RO60: variants seen among roughly 807,000 people sequenced by gnomAD.
The protein encoded by RO60 is RNA-binding protein RO60.
RO60 carries 20 observed loss-of-function variants against 55.3 expected under a neutral mutation model. The observed-to-expected ratio is 0.36, with a 90% confidence interval of 0.25 to 0.53. The LOEUF (loss-of-function observed/expected upper bound fraction) is 0.53. Among genes scored for constraint, RO60 ranks in the 20% least tolerant of loss-of-function variants. The pLI is 0.92. For synonymous variants in RO60, 213 were observed against 213.6 expected (o/e 1.00, Z 0.02); for missense variants, 558 against 646.6 (o/e 0.86, Z 1.49).
In RO60 at chr1:193,074,418, T is replaced by G. The variant is rs189398049; in HGVS notation, c.581-1402T>G. 9.6e-4 allele frequency among the ~76,000 whole-genome samples: 147 copies of G among 152,366 alleles called. 1 individual carries two copies. Among genetic ancestry groups the G allele is most frequent in the Admixed American group, 3.7e-3 (56 of 15,310 alleles). On this transcript the variant is annotated intron_variant, in intron 2 of 8. Transcript: ENST00000400968. ...CACCTGTTGTTTCCTGACTTTTTAATGATCGTCATTCTAACTGATGTGAGA... is the reference window on the plus strand; with the variant it reads ...CACCTGTTGTTTCCTGACTTTTTAAGGATCGTCATTCTAACTGATGTGAGA...
intron 2 of RO60, among the ~76,000 whole-genome samples, chr1:193,071,200 C>T (rs1312521885): frequency 6.6e-6 from 1 of 152,172 alleles, no homozygotes; most frequent in East Asian, 1.9e-4. Flanking sequence ...GGAAGTGGAG[C>T]TCACTTGCCT....
At chr1:193,091,740 A>ATTGAT, downstream of RO60, 1 of 1,447,270 alleles carries the variant, frequency 6.9e-7, no homozygotes, top group Non-Finnish European at 9.6e-7. Context: ...TATTGTAGAA[A>ATTGAT]TTGATAGATG....
chr1:193,069,107 A>G lies in RO60; in HGVS notation c.53A>G (p.Asn18Ser), dbSNP rs750498803. 36 of 1,613,970 alleles carry G rather than the reference A, an allele frequency of 2.2e-5. No homozygotes were observed. The highest frequency in any genetic ancestry group is 1.6e-4 in the Middle Eastern group (1 of 6,084). ...CCACTGAATGAGAAGCAGATAGCCA[A>G]TTCTCAGGATGGATATGTATGGCAA... ...MQPLNEKQIA[N>S]SQDGYVWQVT... The change falls in exon 2 of 9, where the codon AAT becomes AGT. Residue 18 changes from asparagine (N) to serine (S), a missense_variant. Physicochemically the swap from Asn to Ser is conservative, Grantham distance 46. Coordinates refer to ENST00000400968, the MANE Select transcript of RO60 (RefSeq NM_001173524.2).
intron 5 of RO60, among the ~76,000 whole-genome samples, chr1:193,078,054 T>C (rs1674052649): frequency 6.6e-6 from 1 of 152,200 alleles, no homozygotes; most frequent in South Asian, 2.1e-4. Flanking sequence ...GATTACATAC[T>C]ATAACCAAGT....
chr1:193,084,866 GAAAA>G lies in RO60; in HGVS notation c.*144_*147del. ...GTGCATAATGGAAAGTTACCTTACT[GAAAA>G]AAAAAAAAGAAGGAAAAATAAGATG... On this transcript the variant is annotated 3_prime_UTR_variant, in exon 9 of 9. Transcript: ENST00000400968. 3 of 1,113,348 alleles carry G rather than the reference GAAAA, an allele frequency of 2.7e-6. No homozygotes were observed. The highest frequency in any genetic ancestry group is 2.4e-6 in the Non-Finnish European group (2 of 834,928). The allele number at this position is 1,113,348 out of a possible 1,614,324, so 69.0% of individuals were successfully genotyped here.
chr1:193,076,866 C>T, intron 4 of RO60, 47 bp from the exon 5 acceptor site: 2 of 1,573,796 alleles, frequency 1.3e-6, no homozygotes, highest in South Asian at 2.3e-5. Context: ...AAGGAGTATA[C>T]ATAATCACTG....
chr1:193,077,112 A>G (rs1310994599), intron 5 of RO60, 62 bp downstream of exon 5: 5 of 1,467,896 alleles, frequency 3.4e-6, no homozygotes, highest in East Asian at 2.5e-5. Context: ...TTGTAATAAT[A>G]CATTTTAAAG....
intron 1 of RO60, among the ~76,000 whole-genome samples, chr1:193,065,009 A>G (rs1035176734): frequency 3.3e-5 from 5 of 152,086 alleles, no homozygotes; most frequent in Non-Finnish European, 7.4e-5. Flanking sequence ...TCTTGATTAT[A>G]TTTTTCACTA....
intron 8 of RO60, among the ~76,000 whole-genome samples, chr1:193,083,528 GA>G (rs1452379867): frequency 6.6e-6 from 1 of 152,202 alleles, no homozygotes; most frequent in African/African-American, 2.4e-5. Context: ...ACTAGAAGTA[GA>G]AATAGAACTT....
chr1:193,078,565 A>T (rs1674082544), intron 5 of RO60, among the ~76,000 whole-genome samples: 1 of 152,236 alleles, frequency 6.6e-6, no homozygotes, highest in Admixed American at 6.5e-5. Context: ...CATAAAAATC[A>T]GTTGTATTTC....
In RO60 at chr1:193,082,169, G is replaced by A. The variant is rs1674355881; in HGVS notation, c.1204-17G>A. ...CCCCCCAAATTTGCTGAAAATTACT[G>A]CCATTGAATTTTTCAGGTTGTCACA... is the stretch of plus-strand genomic sequence containing the variant. On this transcript the variant is annotated splice_polypyrimidine_tract_variant and intron_variant, in intron 6 of 8. Transcript: ENST00000400968. 2 of 1,530,046 alleles carry A rather than the reference G, an allele frequency of 1.3e-6. No homozygotes were observed. The highest frequency in any genetic ancestry group is 2.3e-5 in the East Asian group (1 of 44,360). The allele number at this position is 1,530,046 out of a possible 1,614,324, so 94.8% of individuals were successfully genotyped here.
intron 5 of RO60, among the ~76,000 whole-genome samples, chr1:193,077,760 A>T (rs1014088720): frequency 1.3e-5 from 2 of 152,184 alleles, no homozygotes; most frequent in Non-Finnish European, 2.9e-5. Context: ...CCCATGATCC[A>T]GTCACCTCCC....
Position 193,085,985 on chromosome 1 carries a change from A to C in RO60, c.*1254A>C. On this transcript the variant is annotated 3_prime_UTR_variant, in exon 9 of 9. Transcript: ENST00000400968. ...CATTAAAGCAATCTGTTGAAATGCC[A>C]TTATCTTTGCTCATAATTTTATTAT... 2 of 985,322 alleles carry C rather than the reference A, an allele frequency of 2.0e-6. No individual in the cohort carries two copies. Among genetic ancestry groups the C allele is most frequent in the Non-Finnish European group, 2.4e-6 (2 of 829,846 alleles). 61.0% of individuals were successfully genotyped at this position (985,322 alleles called of 1,614,324 possible).
At chr1:193,076,099 A>G (rs1673898515) in intron 3 of RO60, 59 bp downstream of exon 3, 1 of 1,167,436 alleles carries the variant, frequency 8.6e-7, no homozygotes, top group African/African-American at 1.6e-5. Context: ...TGTAGGTGCT[A>G]AAAGGATAAA....
At chr1:193,070,673 T>C (rs1673429121) in intron 2 of RO60, 7 of 391,670 alleles carry the variant, frequency 1.8e-5, no homozygotes, top group South Asian at 1.3e-4. Context: ...GTAAGGAGAA[T>C]AAGCTTACAA....
rs1674655273 is a variant in RO60 at position 193,087,137 on chromosome 1, A to T, written c.*2406A>T. 1 of 152,128 alleles carries T rather than the reference A, an allele frequency of 6.6e-6. No homozygotes were observed. The highest frequency in any genetic ancestry group is 1.5e-5 in the Non-Finnish European group (1 of 67,994). The allele number at this position is 152,128 out of a possible 1,614,324, so 9.4% of individuals were successfully genotyped here. ...ATTGCTTTAGGAGTAGAAAAATAGA[A>T]TGGGAACATGTATAATCTTGTAATT... On this transcript the variant is annotated 3_prime_UTR_variant, in exon 9 of 9. Transcript: ENST00000400968.
At chr1:193,076,780 G>C in intron 4 of RO60, 133 bp downstream of exon 4, 2 of 1,327,192 alleles carry the variant, frequency 1.5e-6, no homozygotes, top group South Asian at 1.5e-5. Context: ...TGGCTCTTAA[G>C]TGTAAGTTTA....
chr1:193,088,930 C>CTA lies in RO60; in HGVS notation c.*4201_*4202dup, dbSNP rs1572116000. 1 of 152,136 alleles carries CTA rather than the reference C, an allele frequency of 6.6e-6. No homozygotes were observed. Among genetic ancestry groups the CTA allele is most frequent in the East Asian group, 1.9e-4 (1 of 5,188 alleles). 9.4% of individuals were successfully genotyped at this position (152,136 alleles called of 1,614,324 possible). On this transcript the variant is annotated 3_prime_UTR_variant, in exon 9 of 9. Transcript: ENST00000400968. ...TGTTGTTTCTTTTTCTAGTCCTTCT[C>CTA]TATCTGGATAATAAAATGAATGACA...
In RO60 at chr1:193,084,996, A is replaced by G. The variant is rs1674559224; in HGVS notation, c.*265A>G. On this transcript the variant is annotated 3_prime_UTR_variant, in exon 9 of 9. Coordinates refer to ENST00000400968, the MANE Select transcript of RO60 (RefSeq NM_001173524.2). ...AGAACTTTTTGTTAACAGACACTGT[A>G]AAATAGTTTTGCTTTGTTGAATAAT... 1 of 1,544,810 alleles carries G rather than the reference A, an allele frequency of 6.5e-7. No individual in the cohort carries two copies.
Sources: allele counts gnomAD v4.1 joint callset (sites outside exome capture counted in the v4.1 genomes callset), GRCh38; gene constraint gnomAD v4.1.1; transcripts MANE v1.5; gene names NCBI Gene and HGNC (gene_info 2026-07-23, HGNC 2026-07-21).